The following IFNLR1 variants were observed in gnomAD, a reference collection of about 807,000 sequenced individuals.
IFNLR1 encodes CRF2-12.
Under a neutral mutation model 52.5 loss-of-function variants are expected in IFNLR1, and 28 were observed. That is an observed-to-expected ratio of 0.53 (90% CI 0.40 to 0.73). IFNLR1 has a LOEUF of 0.73. Among genes scored for constraint, IFNLR1 ranks in the 30% least tolerant of loss-of-function variants. The pLI is 0.00. For synonymous variants in IFNLR1, 276 were observed against 274.9 expected, an observed-to-expected ratio of 1.00 and a Z score of -0.04; for missense variants, 623 against 659.1, an observed-to-expected ratio of 0.95 and a Z score of 0.60.
intron 3 of IFNLR1, among the ~76,000 whole-genome samples, chr1:24,162,780 T>C (rs71640827): frequency 3.4e-4 from 25 of 73,074 alleles, no homozygotes; most frequent in Non-Finnish European, 6.0e-4. Context: ...TTCTTTCTTT[T>C]TCTTTCTTTT....
chr1:24,180,591 C>T (rs1030719751), intron 2 of IFNLR1, 140 bp downstream of exon 2: 10 of 776,566 alleles, frequency 1.3e-5, no homozygotes, highest in East Asian at 8.1e-5. Context: ...CTCCAAATGC[C>T]GGCCACATGC....
intron 4 of IFNLR1, 48 bp downstream of exon 4, chr1:24,161,494 G>C: frequency 6.4e-7 from 1 of 1,550,978 alleles, no homozygotes; most frequent in Non-Finnish European, 8.7e-7. Context: ...TGAGTAAGAA[G>C]GGGTGGAGGA....
At chr1:24,181,291 C>G (rs1644688427) in intron 1 of IFNLR1, among the ~76,000 whole-genome samples, 1 of 152,200 alleles carries the variant, frequency 6.6e-6, no homozygotes. Flanking sequence ...TCCTTGCTTC[C>G]AACCTTGTGT....
intron 2 of IFNLR1, among the ~76,000 whole-genome samples, chr1:24,172,133 G>A (rs981359476): frequency 6.6e-6 from 1 of 152,094 alleles, no homozygotes; most frequent in African/African-American, 2.4e-5. Flanking sequence ...ACAACCCATA[G>A]ATGAAAGAAT....
At chr1:24,161,905 AG>A (rs1046924600) in intron 3 of IFNLR1, among the ~76,000 whole-genome samples, 3 of 152,176 alleles carry the variant, frequency 2.0e-5, no homozygotes, top group African/African-American at 7.2e-5. Context: ...AGGCTTAGAG[AG>A]GAGAGGTGAC....
At position 24,157,628 on chromosome 1, in the gene IFNLR1, C is replaced by T. The variant is rs1300660539; in HGVS notation, c.1065G>A (p.Gln355=). The T allele has an allele frequency of 1.1e-5, 17 of 1,607,580 alleles. No individual in the cohort carries two copies. Among genetic ancestry groups the T allele is most frequent in the Non-Finnish European group, 1.4e-5 (16 of 1,177,006 alleles). ...CACCAGCCTCCGAGTGCCCTGGAGC[C>T]TGGTGCTCTTGCCCCAGGAAAGAAG... ...EPPSFLGQEH[Q]APGHSEAGGV... The change falls in exon 7 of 7, where the codon CAG becomes CAA. Residue 355 remains glutamine, a synonymous_variant. Coordinates refer to ENST00000327535, the MANE Select transcript of IFNLR1 (RefSeq NM_170743.4). The surrounding 1 kb of genome is among the most constrained non-coding windows in gnomAD (Gnocchi z 5.1).
chr1:24,181,889 C>T (rs537597780), intron 1 of IFNLR1, among the ~76,000 whole-genome samples: 1 of 152,252 alleles, frequency 6.6e-6, no homozygotes, highest in South Asian at 2.1e-4. Flanking sequence ...GGCTATTAGG[C>T]TGTCCGCCAG....
At chr1:24,176,088 C>T (rs756041963) in intron 2 of IFNLR1, among the ~76,000 whole-genome samples, 55 of 152,164 alleles carry the variant, frequency 3.6e-4, no homozygotes, top group Middle Eastern at 3.2e-3. Flanking sequence ...ACCCAAATAT[C>T]CACTGACGGG....
rs1557642925 is a variant in IFNLR1, at chr1:24,161,586, G to T, written c.466C>A (p.Leu156Met). The T allele has an allele frequency of 6.4e-7, 1 of 1,555,812 alleles. No individual in the cohort carries two copies. The highest frequency in any genetic ancestry group is 2.4e-5 in the East Asian group (1 of 42,074). ...QLPPCMPPLD[L>M]KYEVAFWKEG... ...TTCCAGAATGCCACCTCATACTTCA[G>T]ATCCAGTGGGGGCATGCAGGGGGGC... is the stretch of plus-strand genomic sequence containing the variant. The change falls in exon 4 of 7, where the codon CTG becomes ATG. Residue 156 changes from leucine (L) to methionine (M), a missense_variant. By Grantham distance (15) the Leu-to-Met change is conservative. Coordinates refer to ENST00000327535, the MANE Select transcript of IFNLR1 (RefSeq NM_170743.4).
At chr1:24,160,387 A>G (rs917649662) in intron 4 of IFNLR1, among the ~76,000 whole-genome samples, 1 of 152,250 alleles carries the variant, frequency 6.6e-6, no homozygotes, top group African/African-American at 2.4e-5. Flanking sequence ...AAAGATCTCA[A>G]TCACTATCAG....
In IFNLR1 at chr1:24,155,417, C is replaced by G. The variant is rs1464002643; in HGVS notation, c.*1713G>C. 1 of 152,270 alleles carries G rather than the reference C, an allele frequency of 6.6e-6. No homozygotes were observed. Among genetic ancestry groups the G allele is most frequent in the Non-Finnish European group, 1.5e-5 (1 of 68,060 alleles). The allele number at this position is 152,270 out of a possible 1,614,324, so 9.4% of individuals were successfully genotyped here. On this transcript the variant is annotated 3_prime_UTR_variant, in exon 7 of 7. Transcript: ENST00000327535. Reference sequence around the variant, plus strand: ...ACCTTGGACAAGTGCCTTTGCCACCCTTGACCTCAGCTCCTTTGCAACAAA... The same window carrying G: ...ACCTTGGACAAGTGCCTTTGCCACCGTTGACCTCAGCTCCTTTGCAACAAA...
At chr1:24,169,195 G>A (rs1054104032) in intron 3 of IFNLR1, among the ~76,000 whole-genome samples, 8 of 152,212 alleles carry the variant, frequency 5.3e-5, no homozygotes, top group African/African-American at 1.9e-4. Flanking sequence ...TGAGATTGCT[G>A]GTGCTGGCTG....
chr1:24,166,556 T>C (rs538296811), intron 3 of IFNLR1, among the ~76,000 whole-genome samples: 1 of 152,182 alleles, frequency 6.6e-6, no homozygotes, highest in East Asian at 1.9e-4. Context: ...TTAAATTTTT[T>C]CTTTCTTTAA....
At chr1:24,186,431 C>T (rs1488320590) in intron 1 of IFNLR1, among the ~76,000 whole-genome samples, 1 of 152,072 alleles carries the variant, frequency 6.6e-6, no homozygotes, top group Non-Finnish European at 1.5e-5. Context: ...TAATGCGGTG[C>T]CTGGCACAAA....
At chr1:24,180,614 G>C in intron 2 of IFNLR1, 117 bp downstream of exon 2, 1 of 981,240 alleles carries the variant, frequency 1.0e-6, no homozygotes, top group Non-Finnish European at 1.5e-6. Context: ...TCTCCCGTAG[G>C]GCCCAGAGAG....
In IFNLR1 at chr1:24,162,784, TTCTTTTTC is replaced by T. The variant is rs1557643971; in HGVS notation, c.368-1108_368-1101del. 1.7e-3 allele frequency among the ~76,000 whole-genome samples: 134 copies of T among 80,866 alleles called. 4 individuals carry two copies. The highest frequency in any genetic ancestry group is 3.3e-3 in the African/African-American group (70 of 20,932). The allele number at this position is 80,866 out of a possible 152,430, so 53.1% of individuals were successfully genotyped here. On this transcript the variant is annotated intron_variant, in intron 3 of 6. Coordinates refer to ENST00000327535, the MANE Select transcript of IFNLR1 (RefSeq NM_170743.4). ...TCTTTCTTTCTTTCTTTCTTTTTCT[TTCTTTTTC>T]TTTCTTTCTTTTTTCTTTCTTTTTT... is the stretch of plus-strand genomic sequence containing the variant.
chr1:24,172,667 G>A (rs1462270334), intron 2 of IFNLR1, among the ~76,000 whole-genome samples: 1 of 152,178 alleles, frequency 6.6e-6, no homozygotes, highest in Non-Finnish European at 1.5e-5. Flanking sequence ...TGGGTCAGGC[G>A]AATATTGCTT....
chr1:24,162,768 CT>C (rs1557643864), intron 3 of IFNLR1, among the ~76,000 whole-genome samples: 22 of 46,602 alleles, frequency 4.7e-4, no homozygotes, highest in South Asian at 8.2e-4. Context: ...TTCTTTCTTT[CT>C]TTCTTTCTTT....
At chr1:24,162,837 T>C (rs1197811175) in intron 3 of IFNLR1, among the ~76,000 whole-genome samples, 7 of 53,294 alleles carry the variant, frequency 1.3e-4, no homozygotes, top group Admixed American at 5.9e-4. Flanking sequence ...TTTCTTTTCT[T>C]TCTTTCTTTC....
Sources: gnomAD v4.1 joint callset for allele counts (sites outside exome capture counted in the v4.1 genomes callset) on GRCh38, gnomAD v4.1.1 for gene constraint, Gnocchi (gnomAD v3.1) non-coding constraint, MANE v1.5 for transcripts, NCBI Gene and HGNC (gene_info 2026-07-23, HGNC 2026-07-21) for gene names.